Variants in HDAC11 observed in about 807,000 individuals in gnomAD.
HDAC11 encodes histone deacetylase 11.
Under a neutral mutation model 41.1 loss-of-function variants are expected in HDAC11, and 23 were observed. The ratio of observed to expected loss-of-function variants is 0.56; its 90% CI spans 0.40 to 0.79. The LOEUF (loss-of-function observed/expected upper bound fraction) is 0.79. Ranked by LOEUF, HDAC11 falls within the 30% of genes least tolerant of loss-of-function variation. The pLI is 0.00. For missense variants in HDAC11, 402 were observed against 477.3 expected, an observed-to-expected ratio of 0.84 and a Z score of 1.47; for synonymous variants, 187 against 186.6, an observed-to-expected ratio of 1.00 and a Z score of -0.02.
rs984208476 is a variant in HDAC11, at chr3:13,480,534, C to G, written c.2+185C>G. ...CCCGGCGCGCCAGGCCAGCCCCGCG[C>G]CCCTGCTCGGTGGCCCGAGGGACGC... On this transcript the variant is annotated intron_variant, in intron 1 of 9. Transcript: ENST00000295757. This position sits in a 1 kb window ranked among gnomAD's most constrained non-coding sequence, Gnocchi z 4.6. 9.1e-6 allele frequency: 3 copies of G among 328,120 alleles called. No homozygotes were observed. Among genetic ancestry groups the G allele is most frequent in the Non-Finnish European group, 1.7e-5 (3 of 179,672 alleles). 20.3% of individuals were successfully genotyped at this position (328,120 alleles called of 1,614,324 possible). A position where few individuals can be genotyped will look rare whatever the true frequency, so the allele number is the denominator to read the frequency against.
chr3:13,489,517 G>A (rs1212086348), intron 3 of HDAC11, among the ~76,000 whole-genome samples: 1 of 152,166 alleles, frequency 6.6e-6, no homozygotes, highest in Non-Finnish European at 1.5e-5. Context: ...AAATCAACTG[G>A]CCATAGATGT....
chr3:13,494,084 G>A (rs1701981473), intron 3 of HDAC11, among the ~76,000 whole-genome samples: 2 of 152,268 alleles, frequency 1.3e-5, no homozygotes, highest in Non-Finnish European at 2.9e-5. Flanking sequence ...CATAAGCCAT[G>A]CTTCCCAAAC....
chr3:13,494,772 C>T (rs1409005537), intron 3 of HDAC11, among the ~76,000 whole-genome samples: 1 of 152,210 alleles, frequency 6.6e-6, no homozygotes, highest in Non-Finnish European at 1.5e-5. Flanking sequence ...CATTCCCCAG[C>T]AGTGTGGGCA....
chr3:13,500,798 A>G lies in HDAC11; in HGVS notation c.489+9A>G. 2.0e-6 allele frequency: 3 copies of G among 1,536,956 alleles called. No individual in the cohort carries two copies. Among genetic ancestry groups the G allele is most frequent in the South Asian group, 1.2e-5 (1 of 81,722 alleles). The stretch of plus-strand genomic sequence containing the variant: ...TCACGCTCGCCATCAAGGTGTGTCT[A>G]TGAGCAAGTGGGGTCTCGCCTCCAA... On this transcript the variant is annotated intron_variant, in intron 6 of 9. Coordinates refer to ENST00000295757, the MANE Select transcript of HDAC11 (RefSeq NM_024827.4).
At chr3:13,494,374 C>A (rs1701996747) in intron 3 of HDAC11, among the ~76,000 whole-genome samples, 1 of 152,230 alleles carries the variant, frequency 6.6e-6, no homozygotes, top group African/African-American at 2.4e-5. Flanking sequence ...GTGTGGTGAA[C>A]AAGAGGAGCT....
Position 13,502,204 on chromosome 3 carries a change from G to C in HDAC11, c.552+271G>C. The C allele has an allele frequency of 2.1e-6, 1 of 485,800 alleles. No individual in the cohort carries two copies. The highest frequency in any genetic ancestry group is 3.0e-5 in the South Asian group (1 of 33,160). 30.1% of individuals were successfully genotyped at this position (485,800 alleles called of 1,614,324 possible). A position where few individuals can be genotyped will look rare whatever the true frequency, so the allele number is the denominator to read the frequency against. On this transcript the variant is annotated intron_variant, in intron 7 of 9. Transcript: ENST00000295757. This position sits in a 1 kb window ranked among gnomAD's most constrained non-coding sequence, Gnocchi z 4.1. Reference sequence around the variant, plus strand: ...CCCACTCTGATGGGACTGCTCTCGTGTGCAGAGCTCTGCTGTGGGTCCCCA... The same window carrying C: ...CCCACTCTGATGGGACTGCTCTCGTCTGCAGAGCTCTGCTGTGGGTCCCCA...
At chr3:13,491,969 A>G (rs1701885582) in intron 3 of HDAC11, among the ~76,000 whole-genome samples, 1 of 152,254 alleles carries the variant, frequency 6.6e-6, no homozygotes, top group African/African-American at 2.4e-5. Flanking sequence ...TGTCTTGGGT[A>G]GAGACTGGGA....
chr3:13,482,041 G>C (rs1701345761), intron 2 of HDAC11, among the ~76,000 whole-genome samples: 1 of 152,214 alleles, frequency 6.6e-6, no homozygotes, highest in Non-Finnish European at 1.5e-5. Context: ...CACACTGGCT[G>C]CCTGCTTGTG....
intron 3 of HDAC11, among the ~76,000 whole-genome samples, chr3:13,486,571 G>GTTTTTTTTTTTTTTTTTTTTTT (rs767002835): frequency 1.2e-5 from 1 of 83,046 alleles, no homozygotes; most frequent in African/African-American, 4.8e-5. Context: ...ATGTAGAGGT[G>GTTTTTTTTTTTTTTTTTTTTTT]TTTTTTTTTT....
At chr3:13,488,243 AAAAAAAATTTTTTTT>A (rs1254727991) in intron 3 of HDAC11, among the ~76,000 whole-genome samples, 1 of 151,758 alleles carries the variant, frequency 6.6e-6, no homozygotes, top group Non-Finnish European at 1.5e-5. Context: ...CTCTCCTTTA[AAAAAAAATTTTTTTT>A]AATTGTGGTA....
Position 13,502,139 on chromosome 3 carries a change from C to G in HDAC11, c.552+206C>G. 1 of 571,560 alleles carries G rather than the reference C, an allele frequency of 1.7e-6. No homozygotes were observed. Among genetic ancestry groups the G allele is most frequent in the South Asian group, 2.3e-5 (1 of 44,224 alleles). 35.4% of individuals were successfully genotyped at this position (571,560 alleles called of 1,614,324 possible). On this transcript the variant is annotated intron_variant, in intron 7 of 9. Coordinates refer to ENST00000295757, the MANE Select transcript of HDAC11 (RefSeq NM_024827.4). The surrounding 1 kb of genome is among the most constrained non-coding windows in gnomAD (Gnocchi z 4.1). ...CTCATTGCTCCCGAGGGTCCTCCCTCCCTCCTCCTGACTGCCCCCACATGA... is the reference window on the plus strand; with the variant it reads ...CTCATTGCTCCCGAGGGTCCTCCCTGCCTCCTCCTGACTGCCCCCACATGA...
Position 13,480,786 on chromosome 3 carries a change from C to A in HDAC11, c.2+437C>A. The A allele has an allele frequency of 2.2e-6, 1 of 447,436 alleles. No homozygotes were observed. Among genetic ancestry groups the A allele is most frequent in the Non-Finnish European group, 4.6e-6 (1 of 216,552 alleles). 27.7% of individuals were successfully genotyped at this position (447,436 alleles called of 1,614,324 possible). A position where few individuals can be genotyped will look rare whatever the true frequency, so the allele number is the denominator to read the frequency against. On this transcript the variant is annotated intron_variant, in intron 1 of 9. Transcript: ENST00000295757. This position sits in a 1 kb window ranked among gnomAD's most constrained non-coding sequence, Gnocchi z 4.6. ...CGCCCTGGCTCAGGTTGGGTCCCGA[C>A]TTGGGTTTCTGAGTGCTTACTGTGC...
intron 8 of HDAC11, chr3:13,503,283 G>A: frequency 4.1e-6 from 1 of 244,016 alleles, no homozygotes; most frequent in South Asian, 5.2e-5. Flanking sequence ...AATTCACATA[G>A]GCTGGGCGCG....
At chr3:13,493,153 T>A (rs1198348797) in intron 3 of HDAC11, among the ~76,000 whole-genome samples, 1 of 152,160 alleles carries the variant, frequency 6.6e-6, no homozygotes, top group Admixed American at 6.5e-5. Context: ...CTGTCAGCAG[T>A]GCAGCACCCC....
chr3:13,486,139 T>C (rs536681860), intron 3 of HDAC11, among the ~76,000 whole-genome samples: 2 of 151,884 alleles, frequency 1.3e-5, no homozygotes, highest in African/African-American at 2.4e-5. Flanking sequence ...TGGTAGTGCA[T>C]GCCTGTAATC....
intron 2 of HDAC11, 77 bp downstream of exon 2, chr3:13,481,471 G>A (rs1161954150): frequency 2.0e-6 from 3 of 1,533,494 alleles, no homozygotes; most frequent in Non-Finnish European, 1.8e-6. Flanking sequence ...CCCAACATAA[G>A]CCTCAGGCTC....
intron 4 of HDAC11, among the ~76,000 whole-genome samples, chr3:13,498,221 T>C (rs1300124207): frequency 6.6e-6 from 1 of 152,254 alleles, no homozygotes; most frequent in Non-Finnish European, 1.5e-5. Context: ...ATCAAAATTA[T>C]TGTCAGCTCA....
chr3:13,485,114 C>T (rs947661675), intron 3 of HDAC11, among the ~76,000 whole-genome samples: 2 of 152,216 alleles, frequency 1.3e-5, no homozygotes, highest in African/African-American at 4.8e-5. Context: ...GGAAGTTGGC[C>T]GGGCCTTGGG....
rs73140250 is a variant in HDAC11 at position 13,487,076 on chromosome 3, T to C, written c.252+3512T>C. ...TCTTGCAGGCCGTGGGAGGAGTGTA[T>C]ATGTTGTTCCAGGGACCTTGGACAG... On this transcript the variant is annotated intron_variant, in intron 3 of 9. Transcript: ENST00000295757. Among the ~76,000 whole-genome samples, 569 of 152,090 alleles carry C rather than the reference T, an allele frequency of 3.7e-3. 1 individual carries two copies. The highest frequency in any genetic ancestry group is 0.012 in the African/African-American group (504 of 41,482).
Sources: allele counts gnomAD v4.1 joint callset (sites outside exome capture counted in the v4.1 genomes callset), GRCh38; gene constraint gnomAD v4.1.1; non-coding constraint Gnocchi (gnomAD v3.1); transcripts MANE v1.5; gene names NCBI Gene and HGNC (gene_info 2026-07-23, HGNC 2026-07-21).